Variants in TNS1 observed in about 807,000 individuals in gnomAD.
The protein encoded by TNS1 is tensin-1.
TNS1 carries 62 observed loss-of-function variants against 168.6 expected under a neutral mutation model. The ratio of observed to expected loss-of-function variants is 0.37; its 90% confidence interval spans 0.30 to 0.45. The LOEUF is 0.45. Among genes scored for constraint, TNS1 ranks in the 20% least tolerant of loss-of-function variants. The pLI is 1.00. For synonymous variants in TNS1, 934 were observed against 933.2 expected, an observed-to-expected ratio of 1.00 and a Z score of -0.02; for missense variants, 2,240 against 2,339.4, an observed-to-expected ratio of 0.96 and a Z score of 0.88.
chr2:217,966,175 G>A (rs1359992134), intron 3 of TNS1, among the ~76,000 whole-genome samples: 1 of 152,034 alleles, frequency 6.6e-6, no homozygotes, highest in African/African-American at 2.4e-5. Flanking sequence ...TGAGACCTTT[G>A]GGGAGCCACA....
intron 3 of TNS1, among the ~76,000 whole-genome samples, chr2:217,950,648 T>C (rs1160130496): frequency 6.7e-6 from 1 of 149,788 alleles, no homozygotes; most frequent in Non-Finnish European, 1.5e-5. Context: ...AGTAGCCCTA[T>C]GGAGACCGAT....
chr2:217,858,000 A>G (rs1442507509), intron 18 of TNS1, among the ~76,000 whole-genome samples: 1 of 152,104 alleles, frequency 6.6e-6, no homozygotes, highest in Non-Finnish European at 1.5e-5. Context: ...AAGTCAGGAG[A>G]AAGCCGTGAA....
chr2:217,930,188 C>A (rs1040205555), intron 3 of TNS1, among the ~76,000 whole-genome samples: 1 of 152,192 alleles, frequency 6.6e-6, no homozygotes, highest in Non-Finnish European at 1.5e-5. Flanking sequence ...GCTATCAGTC[C>A]ATTTCACAGA....
At chr2:218,012,435 G>A (rs1455363814), upstream of TNS1, among the ~76,000 whole-genome samples, 1 of 152,166 alleles carries the variant, frequency 6.6e-6, no homozygotes, top group Non-Finnish European at 1.5e-5. Context: ...AGTAATGATG[G>A]CATCCAAGGC....
chr2:217,917,871 C>T (rs1416049373), intron 4 of TNS1, among the ~76,000 whole-genome samples: 1 of 145,978 alleles, frequency 6.9e-6, no homozygotes, highest in Non-Finnish European at 1.5e-5. Context: ...GGGGAAAAGC[C>T]TTGTGGGTAT....
At chr2:217,858,798 T>C (rs1574844998) in intron 18 of TNS1, among the ~76,000 whole-genome samples, 1 of 151,902 alleles carries the variant, frequency 6.6e-6, no homozygotes, top group African/African-American at 2.4e-5. Flanking sequence ...GGGATAAAAC[T>C]GTCTGTAATT....
At chr2:217,821,153 C>T (rs1942786670) in intron 23 of TNS1, among the ~76,000 whole-genome samples, 1 of 152,142 alleles carries the variant, frequency 6.6e-6, no homozygotes, top group Non-Finnish European at 1.5e-5. Flanking sequence ...GGGCTTTGGG[C>T]CCATCTGACT....
rs571470898 is a variant in TNS1, at chr2:218,009,259, A to G, written c.96+841T>C. ...CCTGGGGTCCTGGGGGCTCTAGGTC[A>G]TGATCTTGGGGTTCTCCTTGCCCTC... On this transcript the variant is annotated intron_variant, in intron 1 of 32. Coordinates refer to the TNS1 transcript ENST00000646520. 4.6e-5 allele frequency among the ~76,000 whole-genome samples: 7 copies of G among 152,244 alleles called. No individual in the cohort carries two copies. The South Asian group carries it at 1.0e-3, about 23-fold the overall frequency.
At chr2:218,019,093 A>G (rs1958785078) in intron 1 of TNS1, among the ~76,000 whole-genome samples, 1 of 151,172 alleles carries the variant, frequency 6.6e-6, no homozygotes, top group African/African-American at 2.5e-5. Flanking sequence ...AAAAGAAAAA[A>G]CAAAAAAAAA....
upstream of TNS1, among the ~76,000 whole-genome samples, chr2:218,010,677 G>A (rs1958698443): frequency 6.6e-6 from 1 of 151,530 alleles, no homozygotes. Context: ...AGGAGCAGCA[G>A]CCGCGGGAGC....
At chr2:217,837,547 C>A (rs775926259) in intron 19 of TNS1, among the ~76,000 whole-genome samples, 5 of 152,188 alleles carry the variant, frequency 3.3e-5, no homozygotes, top group Non-Finnish European at 7.4e-5. Flanking sequence ...GGGTGGGGGG[C>A]GCATCAGGAG....
intron 19 of TNS1, among the ~76,000 whole-genome samples, chr2:217,841,553 AG>A (rs1945967142): frequency 6.6e-6 from 1 of 152,158 alleles, no homozygotes; most frequent in East Asian, 1.9e-4. Flanking sequence ...GGGGGATCCA[AG>A]GTCCTGCTTC....
At chr2:218,010,050 A>AGGGGGAGGGGTTGGGGGGGGG (rs1574480217) in intron 1 of TNS1, 1 of 35,664 alleles carries the variant, frequency 2.8e-5, no homozygotes, top group African/African-American at 3.4e-4. Context: ...TCTGGGAGGG[A>AGGGGGAGGGGTTGGGGGGGGG]GGGGGCGGGG....
At chr2:217,924,516 A>G (rs919136584) in intron 3 of TNS1, among the ~76,000 whole-genome samples, 12 of 152,272 alleles carry the variant, frequency 7.9e-5, no homozygotes, top group African/African-American at 2.7e-4. Context: ...GCCAGCACAC[A>G]GTAGGTACAC....
upstream of TNS1, among the ~76,000 whole-genome samples, chr2:218,012,791 G>A (rs1958717091): frequency 2.6e-5 from 4 of 152,194 alleles, no homozygotes; most frequent in Admixed American, 6.5e-5. Context: ...CCCTCCTGAA[G>A]CCACTCCAGA....
rs560107018 is a variant in TNS1 at position 217,801,150 on chromosome 2, C to T, written c.*3309G>A. 61 of 152,326 alleles carry T rather than the reference C, an allele frequency of 4.0e-4. 1 individual carries two copies. Among genetic ancestry groups the T allele is most frequent in the African/African-American group, 1.4e-3 (60 of 41,572 alleles). 9.4% of individuals were successfully genotyped at this position (152,326 alleles called of 1,614,324 possible). ...GATGACATGGGTCAAAGGCCTTTCC[C>T]AAACTTAGGATGTGATGTATCTGTC... On this transcript the variant is annotated 3_prime_UTR_variant, in exon 33 of 33. Coordinates refer to ENST00000682258, the MANE Select transcript of TNS1 (RefSeq NM_001387777.1).
At chr2:218,010,088 G>A in intron 1 of TNS1, 3 of 398,814 alleles carry the variant, frequency 7.5e-6, no homozygotes, top group Non-Finnish European at 8.8e-6. Flanking sequence ...AGGTGTGGCC[G>A]AGAGCATTTA....
At chr2:217,899,579 G>C (rs1245419289) in intron 7 of TNS1, among the ~76,000 whole-genome samples, 1 of 152,220 alleles carries the variant, frequency 6.6e-6, no homozygotes, top group Non-Finnish European at 1.5e-5. Context: ...AAGCTCCTGT[G>C]ATTTCAGCCT....
intron 2 of TNS1, among the ~76,000 whole-genome samples, chr2:217,990,058 ACAT>A (rs1958318165): frequency 6.8e-6 from 1 of 146,090 alleles, no homozygotes; most frequent in Non-Finnish European, 1.5e-5. Flanking sequence ...CCCTCAGCAC[ACAT>A]CATCCACACG....
Sources: allele counts gnomAD v4.1 joint callset (sites outside exome capture counted in the v4.1 genomes callset), GRCh38; gene constraint gnomAD v4.1.1; transcripts MANE v1.5; gene names NCBI Gene and HGNC (gene_info 2026-07-23, HGNC 2026-07-21).